GNB4: variants seen among roughly 807,000 people sequenced by gnomAD.
GNB4 encodes the protein guanine nucleotide-binding protein subunit beta-4.
In GNB4, 28 loss-of-function variants were observed where a neutral mutation model predicts 45.2. The observed-to-expected ratio is 0.62, with a 90% CI of 0.46 to 0.85. The LOEUF is 0.85. Among genes scored for constraint, GNB4 ranks in the 40% least tolerant of loss-of-function variants. The pLI is 0.00. For missense variants in GNB4, 321 were observed against 425.4 expected (o/e 0.75, Z 2.16); for synonymous variants, 132 against 143.7 (o/e 0.92, Z 0.58).
At chr3:179,496,818 C>T in the GNB4 span, among the ~76,000 whole-genome samples, 1 of 151,972 alleles carries the variant, frequency 6.6e-6, no homozygotes, top group African/African-American at 2.4e-5. Context: ...ATGCACTCAA[C>T]ATCAGAATGC....
chr3:179,520,782 C>CA, the GNB4 span, among the ~76,000 whole-genome samples: 1 of 152,110 alleles, frequency 6.6e-6, no homozygotes, highest in African/African-American at 2.4e-5. Context: ...ACCTGACATT[C>CA]ACTCCATTTC....
chr3:179,426,102 GTACTAAA>G, intron 2 of GNB4, 35 bp downstream of exon 2: 1 of 1,493,534 alleles, frequency 6.7e-7, no homozygotes, highest in Admixed American at 1.9e-5. Context: ...TAGATTCCTG[GTACTAAA>G]TAAGTGCTAA....
the GNB4 span, among the ~76,000 whole-genome samples, chr3:179,515,805 G>A: frequency 3.9e-5 from 6 of 152,178 alleles, no homozygotes; most frequent in Non-Finnish European, 8.8e-5. Context: ...GTTTCTCAGG[G>A]CTGCTTCGAG....
rs1334941668 is a variant in GNB4, at chr3:179,398,286, TGGTGGATCACTTGAGGCCA to T, written c.*2908_*2926del. The T allele has an allele frequency of 6.6e-6, 1 of 151,558 alleles. No individual in the cohort carries two copies. The highest frequency in any genetic ancestry group is 2.4e-5 in the African/African-American group (1 of 41,264). 9.4% of individuals were successfully genotyped at this position (151,558 alleles called of 1,614,324 possible). A position where few individuals can be genotyped will look rare whatever the true frequency, so the allele number is the denominator to read the frequency against. ...TCCCAGCACTTTGGGAGGCTGAGGC[TGGTGGATCACTTGAGGCCA>T]GGAGTACGAGATCAGACTGGCCAAG... On this transcript the variant is annotated 3_prime_UTR_variant, in exon 10 of 10. Coordinates refer to ENST00000232564, the MANE Select transcript of GNB4 (RefSeq NM_021629.4).
chr3:179,521,023 G>GC, the GNB4 span, among the ~76,000 whole-genome samples: 1 of 151,988 alleles, frequency 6.6e-6, no homozygotes, highest in South Asian at 2.1e-4. Context: ...GATTGTTCAG[G>GC]CCCCCTCCCT....
At chr3:179,422,115 G>A (rs890009946) in intron 2 of GNB4, among the ~76,000 whole-genome samples, 2 of 152,092 alleles carry the variant, frequency 1.3e-5, no homozygotes, top group African/African-American at 2.4e-5. Flanking sequence ...AAAAATCTCT[G>A]CCCTCATTGA....
chr3:179,516,360 G>T, the GNB4 span, among the ~76,000 whole-genome samples: 1 of 152,188 alleles, frequency 6.6e-6, no homozygotes, highest in Non-Finnish European at 1.5e-5. Context: ...AATGACCATG[G>T]TGGCCTTTTC....
At chr3:179,461,370 A>G in the GNB4 span, among the ~76,000 whole-genome samples, 2 of 152,100 alleles carry the variant, frequency 1.3e-5, no homozygotes, top group Non-Finnish European at 2.9e-5. Flanking sequence ...GGTAGCGGGC[A>G]CTTGTAGTCC....
Position 179,419,518 on chromosome 3 carries a change from A to G in GNB4, c.97-13T>C. On this transcript the variant is annotated splice_polypyrimidine_tract_variant and intron_variant, in intron 3 of 9. Transcript: ENST00000232564. ...TATTTGATGTAATCTTTTGAAAGCA[A>G]CAAAAATGTTATTCTTTACCTTAAT... 1 of 1,463,264 alleles carries G rather than the reference A, an allele frequency of 6.8e-7. No homozygotes were observed. Among genetic ancestry groups the G allele is most frequent in the South Asian group, 1.1e-5 (1 of 87,666 alleles). 90.6% of individuals were successfully genotyped at this position (1,463,264 alleles called of 1,614,324 possible).
intron 1 of GNB4, among the ~76,000 whole-genome samples, chr3:179,431,887 C>A (rs1236251094): frequency 6.6e-6 from 1 of 152,192 alleles, no homozygotes; most frequent in Non-Finnish European, 1.5e-5. Flanking sequence ...TCTCATCCAG[C>A]AAACAATCTG....
chr3:179,424,521 C>T (rs1461901578), intron 2 of GNB4, among the ~76,000 whole-genome samples: 3 of 152,242 alleles, frequency 2.0e-5, no homozygotes, highest in African/African-American at 7.2e-5. Flanking sequence ...TATGACTTCA[C>T]TCAGAATCAA....
At chr3:179,418,848 A>C (rs1431707799) in intron 4 of GNB4, among the ~76,000 whole-genome samples, 1 of 152,252 alleles carries the variant, frequency 6.6e-6, no homozygotes, top group Non-Finnish European at 1.5e-5. Flanking sequence ...AGTGATGAGC[A>C]ATCTATCTAA....
intron 8 of GNB4, among the ~76,000 whole-genome samples, chr3:179,411,316 AAT>A (rs1369025709): frequency 2.0e-5 from 3 of 152,154 alleles, no homozygotes; most frequent in Non-Finnish European, 4.4e-5. Flanking sequence ...TGAATTTCAA[AAT>A]ATTATAAAAA....
Position 179,398,513 on chromosome 3 carries a change from ACT to A in GNB4, c.*2698_*2699del, listed in dbSNP as rs983678223. On this transcript the variant is annotated 3_prime_UTR_variant, in exon 10 of 10. Coordinates refer to ENST00000232564, the MANE Select transcript of GNB4 (RefSeq NM_021629.4). ...ACTCCAGCCTGGGTGACAGAGTGAG[ACT>A]CTGTCTTTAAAAAAAAAAAAAAAGG... 1.4e-5 allele frequency: 2 copies of A among 146,276 alleles called. No homozygotes were observed. Among genetic ancestry groups the A allele is most frequent in the East Asian group, 2.0e-4 (1 of 5,110 alleles). 9.1% of individuals were successfully genotyped at this position (146,276 alleles called of 1,614,324 possible).
chr3:179,519,553 C>T, the GNB4 span, among the ~76,000 whole-genome samples: 789 of 152,280 alleles, frequency 5.2e-3, 5 homozygotes, highest in African/African-American at 0.018. Flanking sequence ...ACTCTGGTGC[C>T]AACTTGGACA....
rs1474000222 is a variant in GNB4, at chr3:179,399,410, G to A, written c.*1803C>T. 1 of 152,044 alleles carries A rather than the reference G, an allele frequency of 6.6e-6. No individual in the cohort carries two copies. Among genetic ancestry groups the A allele is most frequent in the African/African-American group, 2.4e-5 (1 of 41,386 alleles). 9.4% of individuals were successfully genotyped at this position (152,044 alleles called of 1,614,324 possible). A position where few individuals can be genotyped will look rare whatever the true frequency, so the allele number is the denominator to read the frequency against. ...AAGAGATGGGGTTTCACCATGTTGG[G>A]TAGGCTGGTCGCGAACTCCTGACCT... On this transcript the variant is annotated 3_prime_UTR_variant, in exon 10 of 10. Coordinates refer to ENST00000232564, the MANE Select transcript of GNB4 (RefSeq NM_021629.4).
chr3:179,510,453 ACCATTT>A, the GNB4 span, among the ~76,000 whole-genome samples: 2 of 152,166 alleles, frequency 1.3e-5, no homozygotes, highest in Non-Finnish European at 2.9e-5. Context: ...CTGCATTGGC[ACCATTT>A]AGTGATGAAC....
At chr3:179,444,179 C>G (rs527330907) in intron 1 of GNB4, among the ~76,000 whole-genome samples, 2 of 152,132 alleles carry the variant, frequency 1.3e-5, no homozygotes, top group Non-Finnish European at 2.9e-5. Flanking sequence ...TAACCTATCT[C>G]TATTTTCTTT....
chr3:179,405,195 C>G lies in GNB4; in HGVS notation c.911G>C (p.Arg304Pro). 6.2e-7 allele frequency: 1 copy of G among 1,612,238 alleles called. No homozygotes were observed. Residue 304 changes from arginine (R) to proline (P), a missense_variant, in exon 9 of 10, where the codon CGT becomes CCT. Arg to Pro is a moderately radical substitution (Grantham distance 103). Transcript: ENST00000232564. ...ATGTGGACTTATTTACTAACCTGCA[C>G]GATCTCCTTTTAGCGTGTCCCATAC... ...CNVWDTLKGD[R>P]AGVLAGHDNR...
Sources: gnomAD v4.1 joint callset for allele counts (sites outside exome capture counted in the v4.1 genomes callset) on GRCh38, gnomAD v4.1.1 for gene constraint, MANE v1.5 for transcripts, NCBI Gene and HGNC (gene_info 2026-07-23, HGNC 2026-07-21) for gene names.